Variants in GRIK1 observed in about 807,000 individuals in gnomAD.
GRIK1 encodes glutamate ionotropic receptor kainate type subunit 1.
In GRIK1, 69 loss-of-function variants were observed where a neutral mutation model predicts 105.7. The observed-to-expected ratio is 0.65, with a 90% CI of 0.54 to 0.80. GRIK1 has a LOEUF of 0.80. Among genes scored for constraint, GRIK1 ranks in the 30% least tolerant of loss-of-function variants. GRIK1 has a pLI of 0.00. For missense variants in GRIK1, 1,109 were observed against 1,167.3 expected, an observed-to-expected ratio of 0.95 and a Z score of 0.73; for synonymous variants, 438 against 431.3, an observed-to-expected ratio of 1.02 and a Z score of -0.19.
Position 29,889,055 on chromosome 21 carries a change from AG to A in GRIK1, c.118+50327del, listed in dbSNP as rs2069790905. 2.0e-5 allele frequency among the ~76,000 whole-genome samples: 3 copies of A among 152,340 alleles called. No homozygotes were observed. The East Asian group carries it at 5.8e-4, about 29-fold the overall frequency. Reference sequence around the variant, plus strand: ...ACTTCTCAAGGGCAAAAACCTTTGCAGGGACCTCTTAGAATATGGAAATTGG... The same window carrying A: ...ACTTCTCAAGGGCAAAAACCTTTGCAGGACCTCTTAGAATATGGAAATTGG... On this transcript the variant is annotated intron_variant, in intron 1 of 17. Transcript: ENST00000327783.
intron 1 of GRIK1, among the ~76,000 whole-genome samples, chr21:29,901,312 G>A (rs879542843): frequency 6.6e-6 from 1 of 152,068 alleles, no homozygotes; most frequent in Non-Finnish European, 1.5e-5. Context: ...CAGAACTGAA[G>A]GACATAGAGA....
At chr21:29,875,347 G>A (rs1208683567) in intron 1 of GRIK1, among the ~76,000 whole-genome samples, 1 of 152,136 alleles carries the variant, frequency 6.6e-6, no homozygotes, top group Non-Finnish European at 1.5e-5. Flanking sequence ...AATGTCAGGA[G>A]TCTCATCCTA....
chr21:29,747,887 T>A lies in GRIK1; in HGVS notation c.119-53824A>T, dbSNP rs185362259. Among the ~76,000 whole-genome samples, 162 of 152,326 alleles carry A rather than the reference T, an allele frequency of 1.1e-3. 1 individual carries two copies. The highest frequency in any genetic ancestry group is 3.7e-3 in the African/African-American group (155 of 41,584). ...ACAGACATAAATTTCAGTAGCCCAC[T>A]GAAGAAATATTCTGTGATTTAATGT... On this transcript the variant is annotated intron_variant, in intron 1 of 17. Coordinates refer to ENST00000327783, the MANE Select transcript of GRIK1 (RefSeq NM_001330994.2).
rs546828913 is a variant in GRIK1, at chr21:29,828,032, T to G, written c.118+111351A>C. ...CTCTCTGTGTGTGTGTGTGTGTGTG[T>G]GTGGGTGTGTGTCTAATGAAACACA... On this transcript the variant is annotated intron_variant, in intron 1 of 17. Transcript: ENST00000327783. 3.7e-4 allele frequency among the ~76,000 whole-genome samples: 54 copies of G among 146,314 alleles called. No individual in the cohort carries two copies. The East Asian group carries it at 9.2e-3, about 25-fold the overall frequency.
At chr21:29,623,351 T>C (rs894056386) in intron 7 of GRIK1, among the ~76,000 whole-genome samples, 2 of 152,024 alleles carry the variant, frequency 1.3e-5, no homozygotes, top group African/African-American at 2.4e-5. Flanking sequence ...ATGGGAATTA[T>C]GGAAACTATA....
intron 1 of GRIK1, among the ~76,000 whole-genome samples, chr21:29,696,175 T>C (rs1045770083): frequency 6.6e-6 from 1 of 152,242 alleles, no homozygotes; most frequent in Non-Finnish European, 1.5e-5. Flanking sequence ...TTTGGAAATA[T>C]TTCGGGCTTT....
At chr21:29,907,860 G>A (rs188956621) in intron 1 of GRIK1, among the ~76,000 whole-genome samples, 124 of 152,192 alleles carry the variant, frequency 8.1e-4, no homozygotes, top group African/African-American at 2.9e-3. Context: ...AACTATGTCA[G>A]TCCATTCTGT....
intron 1 of GRIK1, among the ~76,000 whole-genome samples, chr21:29,873,091 G>T (rs1421433505): frequency 2.0e-5 from 3 of 152,070 alleles, no homozygotes; most frequent in Non-Finnish European, 2.9e-5. Flanking sequence ...GAGAGAATTT[G>T]GAAGTACAGG....
chr21:29,726,153 T>G (rs541997963), intron 1 of GRIK1, among the ~76,000 whole-genome samples: 1 of 152,204 alleles, frequency 6.6e-6, no homozygotes, highest in South Asian at 2.1e-4. Flanking sequence ...CAATTAGGAC[T>G]GAATGAGATT....
chr21:29,772,042 T>C (rs2062990481), intron 1 of GRIK1, among the ~76,000 whole-genome samples: 1 of 152,250 alleles, frequency 6.6e-6, no homozygotes, highest in South Asian at 2.1e-4. Context: ...CATAGTTTAT[T>C]CGTTGGAACT....
chr21:29,862,647 C>T (rs956839152), intron 1 of GRIK1, among the ~76,000 whole-genome samples: 1 of 152,134 alleles, frequency 6.6e-6, no homozygotes, highest in Non-Finnish European at 1.5e-5. Flanking sequence ...CAAATCATCG[C>T]TTTGTGCAGG....
At chr21:29,882,093 A>G (rs1387602868) in intron 1 of GRIK1, among the ~76,000 whole-genome samples, 1 of 152,094 alleles carries the variant, frequency 6.6e-6, no homozygotes, top group African/African-American at 2.4e-5. Flanking sequence ...AATTAAACAA[A>G]CAAACAAACA....
chr21:29,638,015 T>C (rs2062431529), intron 7 of GRIK1, among the ~76,000 whole-genome samples: 1 of 152,146 alleles, frequency 6.6e-6, no homozygotes, highest in African/African-American at 2.4e-5. Context: ...ATAATAATAA[T>C]GATGACTCCA....
chr21:29,853,164 C>G (rs1008302683), intron 1 of GRIK1, among the ~76,000 whole-genome samples: 7 of 152,166 alleles, frequency 4.6e-5, no homozygotes, highest in Non-Finnish European at 8.8e-5. Context: ...CTCACAATTC[C>G]AAGAAAGTAA....
chr21:29,850,867 C>T (rs1443635246), intron 1 of GRIK1, among the ~76,000 whole-genome samples: 1 of 152,102 alleles, frequency 6.6e-6, no homozygotes. Context: ...CAGAGAGTAT[C>T]TCAGCAGGAA....
At chr21:29,614,711 C>T (rs1243618728) in intron 7 of GRIK1, among the ~76,000 whole-genome samples, 2 of 151,420 alleles carry the variant, frequency 1.3e-5, no homozygotes, top group East Asian at 3.9e-4. Context: ...CCGCGCCCAG[C>T]CCCCACCTTT....
intron 7 of GRIK1, among the ~76,000 whole-genome samples, chr21:29,637,399 A>G (rs1353012495): frequency 2.6e-5 from 4 of 152,128 alleles, no homozygotes; most frequent in African/African-American, 7.2e-5. Context: ...TTCAGCTACC[A>G]TTTCCCAGAC....
At chr21:29,777,041 G>A (rs1210095345) in intron 1 of GRIK1, among the ~76,000 whole-genome samples, 1 of 152,154 alleles carries the variant, frequency 6.6e-6, no homozygotes, top group Admixed American at 6.5e-5. Flanking sequence ...TCTCATCCCT[G>A]ACTGTACATT....
At position 29,882,992 on chromosome 21, in the gene GRIK1, C is replaced by T. The variant is rs116606902; in HGVS notation, c.118+56391G>A. 4.3e-3 allele frequency among the ~76,000 whole-genome samples: 657 copies of T among 152,132 alleles called. 7 individuals are homozygous for T. The highest frequency in any genetic ancestry group is 0.015 in the African/African-American group (627 of 41,536). On this transcript the variant is annotated intron_variant, in intron 1 of 17. Transcript: ENST00000327783. ...CCCAAGGTCCTTGAAACCAGAAGTC[C>T]AGCTTTAACCTTAGTCATTACCTCC...
Sources: allele counts gnomAD v4.1 joint callset (sites outside exome capture counted in the v4.1 genomes callset), GRCh38; gene constraint gnomAD v4.1.1; transcripts MANE v1.5; gene names NCBI Gene and HGNC (gene_info 2026-07-23, HGNC 2026-07-21).